Variants in DPP10 observed in about 807,000 individuals in gnomAD.
DPP10 encodes the protein dipeptidyl peptidase like 10, also known as inactive dipeptidyl peptidase 10.
Under a neutral mutation model 120.9 loss-of-function variants are expected in DPP10, and 33 were observed. That is an observed-to-expected ratio of 0.27 (90% CI 0.21 to 0.37). The LOEUF (loss-of-function observed/expected upper bound fraction) is 0.37, where lower values mean the gene tolerates loss of function less well. Ranked by LOEUF, DPP10 falls within the 10% of genes least tolerant of loss-of-function variation. DPP10 has a pLI of 1.00. For synonymous variants in DPP10, 337 were observed against 326.1 expected (o/e 1.03, Z -0.36); for missense variants, 816 against 942.8 (o/e 0.87, Z 1.76).
At chr2:114,513,841 A>G (rs1684374536) in intron 1 of DPP10, among the ~76,000 whole-genome samples, 1 of 152,206 alleles carries the variant, frequency 6.6e-6, no homozygotes, top group South Asian at 2.1e-4. Context: ...TTGAAAATGA[A>G]ATGACTTCAG....
intron 2 of DPP10, among the ~76,000 whole-genome samples, chr2:115,339,756 C>A (rs1486462806): frequency 6.6e-6 from 1 of 152,010 alleles, no homozygotes; most frequent in Non-Finnish European, 1.5e-5. Context: ...CTTAAAATTA[C>A]AAAATTTTAA....
chr2:114,913,319 C>A (rs1343849828), intron 1 of DPP10, among the ~76,000 whole-genome samples: 4 of 152,136 alleles, frequency 2.6e-5, no homozygotes, highest in African/African-American at 9.7e-5. Context: ...ACCACCCCCG[C>A]ACTGAAGCAC....
At chr2:114,958,802 T>C (rs909797603) in intron 1 of DPP10, among the ~76,000 whole-genome samples, 1 of 152,146 alleles carries the variant, frequency 6.6e-6, no homozygotes, top group African/African-American at 2.4e-5. Context: ...ATAGATTTGA[T>C]ATTATGAGAT....
chr2:115,726,471 G>A (rs374506905), intron 7 of DPP10, among the ~76,000 whole-genome samples: 8 of 152,192 alleles, frequency 5.3e-5, no homozygotes, highest in African/African-American at 1.7e-4. Flanking sequence ...GTAGAGGACC[G>A]AGATTTAGAA....
At chr2:114,469,250 G>A (rs1679693949) in intron 1 of DPP10, among the ~76,000 whole-genome samples, 1 of 152,192 alleles carries the variant, frequency 6.6e-6, no homozygotes, top group Non-Finnish European at 1.5e-5. Context: ...GATGGGTACA[G>A]GATTGAGATC....
rs78181283 is a variant in DPP10 at position 115,224,173 on chromosome 2, A to G, written c.61-85066A>G. On this transcript the variant is annotated intron_variant, in intron 1 of 25. Transcript: ENST00000410059. ...CTGTGAAAACATTCTTAAAAGCCTC[A>G]TCTTAAGGAAGTGTGCAAAGTGGGG... Among the ~76,000 whole-genome samples the G allele has an allele frequency of 8.5e-5, 13 of 152,232 alleles. No individual in the cohort carries two copies. The East Asian group carries it at 1.9e-3, about 23-fold the overall frequency.
intron 1 of DPP10, among the ~76,000 whole-genome samples, chr2:114,752,455 T>G (rs896886198): frequency 2.6e-5 from 4 of 152,172 alleles, no homozygotes; most frequent in Non-Finnish European, 5.9e-5. Context: ...AATTAAAAAC[T>G]GACAGACAGG....
In DPP10 at chr2:115,074,823, A is replaced by G. The variant is rs547952445; in HGVS notation, c.61-234416A>G. Among the ~76,000 whole-genome samples the G allele has an allele frequency of 5.3e-5, 8 of 152,330 alleles. No individual in the cohort carries two copies. The South Asian group carries it at 6.2e-4, about 12-fold the overall frequency. On this transcript the variant is annotated intron_variant, in intron 1 of 25. Transcript: ENST00000410059. Reference sequence around the variant, plus strand: ...ATGTATTATTTTAGAGGTGAAATCAATGGGACTTGAAAGAGAAGCTTATAT... The same window carrying G: ...ATGTATTATTTTAGAGGTGAAATCAGTGGGACTTGAAAGAGAAGCTTATAT...
chr2:114,866,214 T>C (rs2106547488), intron 1 of DPP10, among the ~76,000 whole-genome samples: 1 of 152,144 alleles, frequency 6.6e-6, no homozygotes, highest in South Asian at 2.1e-4. Flanking sequence ...GAATGATCAT[T>C]TATTTCATCC....
chr2:115,758,043 T>A (rs1185420891), intron 11 of DPP10, among the ~76,000 whole-genome samples: 2 of 152,084 alleles, frequency 1.3e-5, no homozygotes, highest in Non-Finnish European at 2.9e-5. Flanking sequence ...TCAGAGTAAT[T>A]TAGCAAGGAA....
intron 1 of DPP10, among the ~76,000 whole-genome samples, chr2:114,590,643 T>C (rs1045889223): frequency 1.3e-5 from 2 of 152,180 alleles, no homozygotes; most frequent in Non-Finnish European, 2.9e-5. Context: ...TGCAAGCTGC[T>C]AATGGAATGA....
At chr2:114,756,138 G>T (rs984558274) in intron 1 of DPP10, among the ~76,000 whole-genome samples, 1 of 152,136 alleles carries the variant, frequency 6.6e-6, no homozygotes, top group Non-Finnish European at 1.5e-5. Flanking sequence ...GACTAAAGGA[G>T]ATGATATGTA....
chr2:115,100,910 CTT>C (rs530736028), intron 1 of DPP10, among the ~76,000 whole-genome samples: 7 of 152,316 alleles, frequency 4.6e-5, no homozygotes, highest in African/African-American at 1.7e-4. Context: ...TCTTGGGCCA[CTT>C]TTCTTTCCAC....
intron 4 of DPP10, among the ~76,000 whole-genome samples, chr2:115,504,233 T>C (rs2076830003): frequency 6.6e-6 from 1 of 151,896 alleles, no homozygotes; most frequent in African/African-American, 2.4e-5. Context: ...TTGGGACTTT[T>C]TTGTTCAGAT....
At chr2:115,250,465 G>T (rs193157343) in intron 1 of DPP10, among the ~76,000 whole-genome samples, 3 of 152,298 alleles carry the variant, frequency 2.0e-5, no homozygotes, top group Admixed American at 1.3e-4. Flanking sequence ...GGAGAAAAGA[G>T]AGAAGATTGG....
Position 115,421,347 on chromosome 2 carries a change from G to C in DPP10, c.271+77435G>C, listed in dbSNP as rs374426070. 4.6e-5 allele frequency among the ~76,000 whole-genome samples: 7 copies of C among 152,174 alleles called. No homozygotes were observed. In the East Asian group the frequency reaches 1.2e-3, roughly 25 times the overall value. Reference sequence around the variant, plus strand: ...CTGTGGAACTATGAATGGAAAATAGGTGGAAACAAATAAATGTATGCTCAG... The same window carrying C: ...CTGTGGAACTATGAATGGAAAATAGCTGGAAACAAATAAATGTATGCTCAG... On this transcript the variant is annotated intron_variant, in intron 3 of 25. Coordinates refer to ENST00000410059, the MANE Select transcript of DPP10 (RefSeq NM_020868.6).
chr2:114,714,538 A>T (rs982898902), intron 1 of DPP10, among the ~76,000 whole-genome samples: 3 of 152,124 alleles, frequency 2.0e-5, no homozygotes, highest in Admixed American at 2.0e-4. Flanking sequence ...AAAAGCCTAA[A>T]CAACACTCTT....
At chr2:115,060,498 G>A (rs927912987) in intron 1 of DPP10, among the ~76,000 whole-genome samples, 3 of 152,202 alleles carry the variant, frequency 2.0e-5, no homozygotes, top group Middle Eastern at 3.4e-3. Context: ...AGGATGAGAC[G>A]GAAGGATCCC....
At chr2:115,788,657 C>T (rs1181511850) in intron 17 of DPP10, among the ~76,000 whole-genome samples, 2 of 152,062 alleles carry the variant, frequency 1.3e-5, no homozygotes, top group East Asian at 1.9e-4. Flanking sequence ...GGAAAAATTC[C>T]TTAAAATACA....
Sources: gnomAD v4.1 joint callset for allele counts (sites outside exome capture counted in the v4.1 genomes callset) on GRCh38, gnomAD v4.1.1 for gene constraint, MANE v1.5 for transcripts, NCBI Gene and HGNC (gene_info 2026-07-23, HGNC 2026-07-21) for gene names.